The following RCOR3 variants were observed in gnomAD, a reference collection of about 807,000 sequenced individuals.
RCOR3 encodes REST corepressor 3.
In RCOR3, 13 loss-of-function variants were observed where a neutral mutation model predicts 64.1. The ratio of observed to expected loss-of-function variants is 0.20; its 90% CI spans 0.13 to 0.32. The LOEUF is 0.32. Ranked by LOEUF, RCOR3 falls within the 10% of genes least tolerant of loss-of-function variation. The pLI is 1.00. For missense variants in RCOR3, 489 were observed against 701.2 expected (o/e 0.70, Z 3.42); for synonymous variants, 215 against 239.0 (o/e 0.90, Z 0.93).
At chr1:211,305,046 A>G (rs1700728081) in intron 10 of RCOR3, among the ~76,000 whole-genome samples, 2 of 152,176 alleles carry the variant, frequency 1.3e-5, no homozygotes, top group South Asian at 4.1e-4. Flanking sequence ...ACCTTTTAAA[A>G]TGTTGCCAAA....
At chr1:211,308,684 GTTTTTTTTTT>G (rs71585833) in intron 10 of RCOR3, among the ~76,000 whole-genome samples, 6 of 42,060 alleles carry the variant, frequency 1.4e-4, no homozygotes, top group African/African-American at 3.9e-4. Context: ...TTTTTTTTTT[GTTTTTTTTTT>G]TTTTTGTGTA....
In RCOR3 at chr1:211,313,103, T is replaced by C; in HGVS notation, c.1317+142T>C. On this transcript the variant is annotated intron_variant, in intron 11 of 11. Coordinates refer to ENST00000419091, the MANE Select transcript of RCOR3 (RefSeq NM_001136223.3). The surrounding 1 kb of genome is among the most constrained non-coding windows in gnomAD (Gnocchi z 4.7). ...ATACACTTCTTCAGTGGTGCATCTCTCGTGACTCTTAAGTCATAATGACAT... is the reference window on the plus strand; with the variant it reads ...ATACACTTCTTCAGTGGTGCATCTCCCGTGACTCTTAAGTCATAATGACAT... The C allele has an allele frequency of 6.5e-7, 1 of 1,528,208 alleles. No homozygotes were observed. Among genetic ancestry groups the C allele is most frequent in the Non-Finnish European group, 8.7e-7 (1 of 1,144,506 alleles). 94.7% of individuals were successfully genotyped at this position (1,528,208 alleles called of 1,614,324 possible). A position where few individuals can be genotyped will look rare whatever the true frequency, so the allele number is the denominator to read the frequency against.
intron 2 of RCOR3, among the ~76,000 whole-genome samples, chr1:211,266,281 T>C (rs1482160610): frequency 1.3e-5 from 2 of 152,190 alleles, no homozygotes; most frequent in Non-Finnish European, 2.9e-5. Context: ...TTATATAGTA[T>C]ATTTGTTCCA....
At chr1:211,292,976 C>T (rs562502176) in intron 8 of RCOR3, among the ~76,000 whole-genome samples, 7 of 151,912 alleles carry the variant, frequency 4.6e-5, no homozygotes, top group Non-Finnish European at 8.8e-5. Flanking sequence ...CCCAGCTACT[C>T]AGGAGGCTGA....
chr1:211,284,403 T>C (rs1168098851), intron 7 of RCOR3, among the ~76,000 whole-genome samples: 4 of 152,130 alleles, frequency 2.6e-5, no homozygotes, highest in South Asian at 2.1e-4. Context: ...AATTCCAGTA[T>C]TCTTTTACAT....
chr1:211,259,506 C>T lies in RCOR3; in HGVS notation c.-55C>T. On this transcript the variant is annotated 5_prime_UTR_variant, in exon 1 of 12. Transcript: ENST00000419091. Reference sequence around the variant, plus strand: ...CCGCCCGCGCTCTAAGCCATCTCCGCCTTCACCCTGACGCCTGCCTCTTCC... The same window carrying T: ...CCGCCCGCGCTCTAAGCCATCTCCGTCTTCACCCTGACGCCTGCCTCTTCC... The T allele has an allele frequency of 6.6e-7, 1 of 1,524,226 alleles. No individual in the cohort carries two copies. Among genetic ancestry groups the T allele is most frequent in the Middle Eastern group, 1.7e-4 (1 of 5,850 alleles). 94.4% of individuals were successfully genotyped at this position (1,524,226 alleles called of 1,614,324 possible).
chr1:211,259,518 C>A lies in RCOR3; in HGVS notation c.-43C>A, dbSNP rs1004355333. 1 of 1,532,316 alleles carries A rather than the reference C, an allele frequency of 6.5e-7. No homozygotes were observed. The highest frequency in any genetic ancestry group is 8.8e-7 in the Non-Finnish European group (1 of 1,138,204). The allele number at this position is 1,532,316 out of a possible 1,614,324, so 94.9% of individuals were successfully genotyped here. A position where few individuals can be genotyped will look rare whatever the true frequency, so the allele number is the denominator to read the frequency against. The stretch of plus-strand genomic sequence containing the variant: ...TAAGCCATCTCCGCCTTCACCCTGA[C>A]GCCTGCCTCTTCCCCTCACCTTTCC... On this transcript the variant is annotated 5_prime_UTR_variant, in exon 1 of 12. Coordinates refer to ENST00000419091, the MANE Select transcript of RCOR3 (RefSeq NM_001136223.3).
intron 5 of RCOR3, 21 bp downstream of exon 5, chr1:211,276,439 C>T: frequency 1.2e-6 from 2 of 1,603,880 alleles, no homozygotes; most frequent in Non-Finnish European, 1.7e-6. Context: ...TTTAATCTTA[C>T]TGTGGTTCAT....
intron 7 of RCOR3, 48 bp downstream of exon 7, chr1:211,279,364 G>T: frequency 7.3e-7 from 1 of 1,372,780 alleles, no homozygotes; most frequent in South Asian, 1.2e-5. Context: ...CAAATCTGCT[G>T]AAAAAGAATG....
rs923891507 is a variant in RCOR3, at chr1:211,259,712, G to A, written c.152G>A (p.Ser51Asn). The change falls in exon 1 of 12, where the codon AGC becomes AAC. Residue 51 changes from serine to asparagine, a missense_variant. Ser to Asn is a conservative substitution (Grantham distance 46). Coordinates refer to ENST00000419091, the MANE Select transcript of RCOR3 (RefSeq NM_001136223.3). The stretch of plus-strand genomic sequence containing the variant: ...TCAGAGCCCGAGAGCGGCTGCAGCA[G>A]CGACGACGAGCACGGTGGTAGCCTC... ...HYSEPESGCSSDDEHDVGMRV... is the reference protein window; with the variant it reads ...HYSEPESGCSNDDEHDVGMRV... 2.0e-6 allele frequency: 3 copies of A among 1,515,214 alleles called. No homozygotes were observed. Among genetic ancestry groups the A allele is most frequent in the Non-Finnish European group, 2.7e-6 (3 of 1,130,738 alleles). 93.9% of individuals were successfully genotyped at this position (1,515,214 alleles called of 1,614,324 possible). A position where few individuals can be genotyped will look rare whatever the true frequency, so the allele number is the denominator to read the frequency against.
At chr1:211,280,716 G>A (rs995547405) in intron 7 of RCOR3, among the ~76,000 whole-genome samples, 4 of 152,182 alleles carry the variant, frequency 2.6e-5, no homozygotes, top group Admixed American at 2.0e-4. Context: ...GGGCTCAGTG[G>A]CTCACGCCTG....
In RCOR3 at chr1:211,271,109, G is replaced by A. The variant is rs144551455; in HGVS notation, c.224-123G>A. ...CCTGACCTTGTGATCCGCCTGCCTCGGCCTCCCAAAGTACTGGGATTACAG... is the reference window on the plus strand; with the variant it reads ...CCTGACCTTGTGATCCGCCTGCCTCAGCCTCCCAAAGTACTGGGATTACAG... On this transcript the variant is annotated intron_variant, in intron 2 of 11. Coordinates refer to ENST00000419091, the MANE Select transcript of RCOR3 (RefSeq NM_001136223.3). 930 of 645,000 alleles carry A rather than the reference G, an allele frequency of 1.4e-3. 5 individuals carry two copies. In the African/African-American group the frequency reaches 0.015, roughly 11 times the overall value. 40.0% of individuals were successfully genotyped at this position (645,000 alleles called of 1,614,324 possible).
chr1:211,293,297 T>A (rs1378455877), intron 8 of RCOR3, among the ~76,000 whole-genome samples: 1 of 152,160 alleles, frequency 6.6e-6, no homozygotes, highest in Non-Finnish European at 1.5e-5. Flanking sequence ...ACCAGAAGTG[T>A]CTTTCTAAAA....
At chr1:211,272,923 G>A (rs867523500) in intron 3 of RCOR3, among the ~76,000 whole-genome samples, 24 of 152,258 alleles carry the variant, frequency 1.6e-4, no homozygotes, top group African/African-American at 5.1e-4. Flanking sequence ...GCCCGGCCTG[G>A]ATGTCTTACT....
At chr1:211,275,221 T>C (rs1202040085) in intron 4 of RCOR3, among the ~76,000 whole-genome samples, 1 of 151,976 alleles carries the variant, frequency 6.6e-6, no homozygotes, top group Non-Finnish European at 1.5e-5. Context: ...GTAAGAAAGG[T>C]AAATTATCTG....
rs1464483921 is a variant in RCOR3 at position 211,278,178 on chromosome 1, C to T, written c.578C>T (p.Ser193Phe). The change falls in exon 6 of 12, where the codon TCT becomes TTT. Residue 193 changes from serine to phenylalanine, a missense_variant. Physicochemically the swap from Ser to Phe is radical, Grantham distance 155 (BLOSUM62 -2). Coordinates refer to ENST00000419091, the MANE Select transcript of RCOR3 (RefSeq NM_001136223.3). ...TACTATTCTTGGAAAAAAACTCGCT[C>T]TAGGACAAGTTTGATGGATCGCCAG... ...KYYYSWKKTR[S>F]RTSLMDRQAR... 4.3e-6 allele frequency: 7 copies of T among 1,611,518 alleles called. No homozygotes were observed. Among genetic ancestry groups the T allele is most frequent in the Non-Finnish European group, 5.9e-6 (7 of 1,179,302 alleles).
At chr1:211,283,761 A>G (rs1250627460) in intron 7 of RCOR3, among the ~76,000 whole-genome samples, 4 of 150,154 alleles carry the variant, frequency 2.7e-5, no homozygotes, top group African/African-American at 9.8e-5. Context: ...CGCCTGCTTC[A>G]TGCTCCCAAG....
intron 8 of RCOR3, among the ~76,000 whole-genome samples, chr1:211,290,505 A>T (rs545828956): frequency 6.6e-6 from 1 of 152,182 alleles, no homozygotes; most frequent in East Asian, 1.9e-4. Context: ...TTGCCTGACA[A>T]TAACTATCTT....
At chr1:211,268,365 C>CTTTTTT (rs1695558882) in intron 2 of RCOR3, among the ~76,000 whole-genome samples, 1 of 85,318 alleles carries the variant, frequency 1.2e-5, no homozygotes. Flanking sequence ...AGTTTCTTTT[C>CTTTTTT]TTTCTTTTTT....
Sources: allele counts gnomAD v4.1 joint callset (sites outside exome capture counted in the v4.1 genomes callset), GRCh38; gene constraint gnomAD v4.1.1; non-coding constraint Gnocchi (gnomAD v3.1); transcripts MANE v1.5; gene names NCBI Gene and HGNC (gene_info 2026-07-23, HGNC 2026-07-21).